GUCY1A2: variants seen among roughly 807,000 people sequenced by gnomAD.
GUCY1A2 encodes guanylate cyclase soluble subunit alpha-2.
A neutral mutation model predicts 63.5 loss-of-function variants in GUCY1A2; 27 were observed. The observed-to-expected ratio is 0.43, with a 90% CI of 0.31 to 0.59. The LOEUF (loss-of-function observed/expected upper bound fraction) is 0.59, where lower values mean the gene tolerates loss of function less well. Ranked by LOEUF, GUCY1A2 falls within the 20% of genes least tolerant of loss-of-function variation. GUCY1A2 has a pLI of 0.11. For synonymous variants in GUCY1A2, 364 were observed against 343.5 expected (o/e 1.06, Z -0.66); for missense variants, 768 against 913.3 (o/e 0.84, Z 2.05).
chr11:106,710,099 T>C (rs905675625), intron 6 of GUCY1A2, among the ~76,000 whole-genome samples: 2 of 117,360 alleles, frequency 1.7e-5, no homozygotes, highest in Non-Finnish European at 1.6e-5. Flanking sequence ...TATATAGTTA[T>C]ATATATTATA....
intron 6 of GUCY1A2, among the ~76,000 whole-genome samples, chr11:106,747,068 A>G (rs1863801598): frequency 6.6e-6 from 1 of 152,050 alleles, no homozygotes; most frequent in Admixed American, 6.6e-5. Context: ...GCTCACTGCA[A>G]GCTCCACCTC....
At position 106,674,989 on chromosome 11, in the gene GUCY1A2, T is replaced by C. The variant is rs1862321425; in HGVS notation, c.*12560A>G. On this transcript the variant is annotated 3_prime_UTR_variant, in exon 8 of 8. Coordinates refer to ENST00000526355, the MANE Select transcript of GUCY1A2 (RefSeq NM_000855.3). ...TTTTATGCATTGAAGTGAGTATTAATAGGATTATTACTATTAGGATATTAC... is the reference window on the plus strand; with the variant it reads ...TTTTATGCATTGAAGTGAGTATTAACAGGATTATTACTATTAGGATATTAC... 4.7e-6 allele frequency: 1 copy of C among 213,142 alleles called. No individual in the cohort carries two copies. Among genetic ancestry groups the C allele is most frequent in the Non-Finnish European group, 9.5e-6 (1 of 105,256 alleles). The allele number at this position is 213,142 out of a possible 1,614,324, so 13.2% of individuals were successfully genotyped here. A position where few individuals can be genotyped will look rare whatever the true frequency, so the allele number is the denominator to read the frequency against.
intron 5 of GUCY1A2, among the ~76,000 whole-genome samples, chr11:106,798,354 A>T (rs1864806792): frequency 6.6e-6 from 1 of 152,176 alleles, no homozygotes; most frequent in Admixed American, 6.5e-5. Context: ...AGCTGGTACC[A>T]TTCCTTCTGA....
rs373647234 is a variant in GUCY1A2 at position 106,852,521 on chromosome 11, G to A, written c.1207-42043C>T. Among the ~76,000 whole-genome samples the A allele has an allele frequency of 3.3e-5, 5 of 151,956 alleles. No individual in the cohort carries two copies. The South Asian group carries it at 1.0e-3, about 32-fold the overall frequency. On this transcript the variant is annotated intron_variant, in intron 4 of 7. Transcript: ENST00000526355. ...AATTTGTTGAGTCTTTAACATGAAG[G>A]GATGCTGAATTTTATCAAATGCTTT...
At chr11:106,836,646 C>A (rs539827395) in intron 4 of GUCY1A2, among the ~76,000 whole-genome samples, 1 of 151,890 alleles carries the variant, frequency 6.6e-6, no homozygotes, top group East Asian at 1.9e-4. Context: ...ACACAAAAAC[C>A]AAGAGAGGTA....
chr11:106,956,942 C>T (rs1367432838), intron 3 of GUCY1A2, among the ~76,000 whole-genome samples: 1 of 152,166 alleles, frequency 6.6e-6, no homozygotes, highest in African/African-American at 2.4e-5. Flanking sequence ...GGGACTCAGG[C>T]CCAGGGAGAT....
chr11:106,907,747 A>G (rs1860232893), intron 4 of GUCY1A2, among the ~76,000 whole-genome samples: 1 of 152,038 alleles, frequency 6.6e-6, no homozygotes, highest in African/African-American at 2.4e-5. Context: ...ATCATTTTTT[A>G]TGGCTGCATA....
At chr11:106,879,940 T>C (rs1205186003) in intron 4 of GUCY1A2, among the ~76,000 whole-genome samples, 1 of 152,076 alleles carries the variant, frequency 6.6e-6, no homozygotes, top group Non-Finnish European at 1.5e-5. Flanking sequence ...AAATTGATCG[T>C]TATATTGTAT....
Position 106,708,534 on chromosome 11 carries a change from T to G in GUCY1A2, c.1969A>C (p.Asn657His). The G allele has an allele frequency of 6.2e-7, 1 of 1,612,482 alleles. No individual in the cohort carries two copies. Among genetic ancestry groups the G allele is most frequent in the Non-Finnish European group, 8.5e-7 (1 of 1,179,052 alleles). The part of the protein sequence containing the change: ...FESGSHPRRI[N>H]VSPTTYQLLK... Reference sequence around the variant, plus strand: ...TACTGGTAAGTGGTTGGGCTGACATTGATGCGCCGAGGGTGACTTCCCGAC... The same window carrying G: ...TACTGGTAAGTGGTTGGGCTGACATGGATGCGCCGAGGGTGACTTCCCGAC... The change falls in exon 7 of 8, where the codon AAT becomes CAT. Residue 657 changes from asparagine (N) to histidine (H), a missense_variant. Physicochemically the swap from Asn to His is moderately conservative, Grantham distance 68. This residue lies in a region of GUCY1A2 where 150 missense variants were observed against 188.3 expected (regional missense o/e 0.80). Coordinates refer to ENST00000526355, the MANE Select transcript of GUCY1A2 (RefSeq NM_000855.3).
intron 4 of GUCY1A2, among the ~76,000 whole-genome samples, chr11:106,915,235 C>T (rs903424360): frequency 2.6e-5 from 4 of 151,960 alleles, no homozygotes; most frequent in Admixed American, 6.6e-5. Context: ...ACTTGATAGA[C>T]AACTTTATTA....
At chr11:106,815,061 T>C (rs1332862660) in intron 4 of GUCY1A2, among the ~76,000 whole-genome samples, 1 of 152,016 alleles carries the variant, frequency 6.6e-6, no homozygotes, top group African/African-American at 2.4e-5. Flanking sequence ...AAATGAATTT[T>C]AAAACACAAA....
chr11:106,986,350 G>T (rs181954439), intron 1 of GUCY1A2, among the ~76,000 whole-genome samples: 3 of 152,230 alleles, frequency 2.0e-5, no homozygotes, highest in Non-Finnish European at 4.4e-5. Context: ...AATTATGATA[G>T]TATTTCCTAG....
At chr11:106,998,319 T>A (rs559387497) in intron 1 of GUCY1A2, among the ~76,000 whole-genome samples, 2 of 152,242 alleles carry the variant, frequency 1.3e-5, no homozygotes, top group South Asian at 4.1e-4. Flanking sequence ...GAAAGGGATA[T>A]TGGGAACAGC....
chr11:106,895,922 G>A (rs933144662), intron 4 of GUCY1A2, among the ~76,000 whole-genome samples: 3 of 151,646 alleles, frequency 2.0e-5, no homozygotes, highest in African/African-American at 7.3e-5. Context: ...CAGGAGGCAG[G>A]AGAATCGCTT....
chr11:106,833,290 G>C (rs1451487862), intron 4 of GUCY1A2, among the ~76,000 whole-genome samples: 2 of 152,016 alleles, frequency 1.3e-5, no homozygotes, highest in Non-Finnish European at 2.9e-5. Flanking sequence ...CAGAGATACT[G>C]GGGGTTAGGA....
chr11:107,006,223 CAAGA>C (rs1474113192), intron 1 of GUCY1A2, among the ~76,000 whole-genome samples: 2 of 152,238 alleles, frequency 1.3e-5, no homozygotes, highest in East Asian at 3.9e-4. Context: ...TTTTGTTTTA[CAAGA>C]AAGAAGTGAA....
At chr11:106,846,214 C>A (rs1362239688) in intron 4 of GUCY1A2, among the ~76,000 whole-genome samples, 1 of 150,982 alleles carries the variant, frequency 6.6e-6, no homozygotes, top group African/African-American at 2.4e-5. Flanking sequence ...ATATAAACTA[C>A]ATCTTTGGTA....
At chr11:106,938,948 T>G (rs887340675) in intron 4 of GUCY1A2, among the ~76,000 whole-genome samples, 4 of 152,160 alleles carry the variant, frequency 2.6e-5, no homozygotes, top group African/African-American at 7.2e-5. Flanking sequence ...AGTCTCGAGA[T>G]AGTCAATTCT....
intron 4 of GUCY1A2, among the ~76,000 whole-genome samples, chr11:106,894,757 G>A (rs1234394969): frequency 6.6e-6 from 1 of 152,074 alleles, no homozygotes; most frequent in Non-Finnish European, 1.5e-5. Flanking sequence ...TTGTGATTCA[G>A]TGAAAGAGTG....
Sources: gnomAD v4.1 joint callset for allele counts (sites outside exome capture counted in the v4.1 genomes callset) on GRCh38, gnomAD v4.1.1 for gene constraint, gnomAD v4.1.1 regional missense constraint, MANE v1.5 for transcripts, NCBI Gene and HGNC (gene_info 2026-07-23, HGNC 2026-07-21) for gene names.